Variants in KLRG1 observed in about 807,000 individuals in gnomAD.
The protein encoded by KLRG1 is killer cell lectin-like receptor subfamily G member 1.
Under a neutral mutation model 21.8 loss-of-function variants are expected in KLRG1, and 16 were observed. The observed-to-expected ratio is 0.73, with a 90% CI of 0.50 to 1.11. The LOEUF is 1.11. Among genes scored for constraint, KLRG1 ranks in the 50% most tolerant of loss-of-function variants. The pLI is 0.00. For synonymous variants in KLRG1, 69 were observed against 75.9 expected, an observed-to-expected ratio of 0.91 and a Z score of 0.47; for missense variants, 173 against 218.3, an observed-to-expected ratio of 0.79 and a Z score of 1.31.
chr12:9,098,750 A>G, the KLRG1 span: 2 of 1,612,660 alleles, frequency 1.2e-6, no homozygotes, highest in East Asian at 2.2e-5. Context: ...CTGAAGCTCA[A>G]ATCCACCTGT....
chr12:9,024,766 G>A, the KLRG1 span, among the ~76,000 whole-genome samples: 1 of 152,300 alleles, frequency 6.6e-6, no homozygotes, highest in Admixed American at 6.5e-5. Flanking sequence ...GAAGGATAAT[G>A]AGGGGTTTTT....
chr12:9,060,682 A>T, the KLRG1 span, among the ~76,000 whole-genome samples: 1 of 152,176 alleles, frequency 6.6e-6, no homozygotes, highest in African/African-American at 2.4e-5. Context: ...GTCTGAGCAC[A>T]TCCCCAAAAA....
chr12:9,175,908 C>T, the KLRG1 span, among the ~76,000 whole-genome samples: 6 of 152,272 alleles, frequency 3.9e-5, no homozygotes, highest in South Asian at 8.3e-4. Context: ...GGTGATTCCT[C>T]AAAGACCCAG....
chr12:8,971,138 C>G lies in KLRG1; in HGVS notation c.-156+20902C>G, dbSNP rs779985252. 2.2e-4 allele frequency: 33 copies of G among 152,018 alleles called. 1 individual carries two copies. Among genetic ancestry groups the G allele is most frequent in the Admixed American group, 3.3e-4 (5 of 15,252 alleles). The allele number at this position is 152,018 out of a possible 1,614,324, so 9.4% of individuals were successfully genotyped here. Reference sequence around the variant, plus strand: ...AATTGGGAGAGTGTACTTACATTTTCTACTTTTTGAAGGAGCATTGTTATT... The same window carrying G: ...AATTGGGAGAGTGTACTTACATTTTGTACTTTTTGAAGGAGCATTGTTATT... On this transcript the variant is annotated intron_variant, in intron 1 of 4. Coordinates refer to the KLRG1 transcript ENST00000539240.
chr12:9,164,848 G>T, the KLRG1 span, among the ~76,000 whole-genome samples: 1 of 152,198 alleles, frequency 6.6e-6, no homozygotes, highest in Admixed American at 6.5e-5. Flanking sequence ...TTGTGTGTCA[G>T]CTTCAAGAAT....
chr12:9,165,480 A>C, the KLRG1 span: 1 of 1,206,344 alleles, frequency 8.3e-7, no homozygotes, highest in African/African-American at 1.5e-5. Flanking sequence ...TTAAGGGTAT[A>C]TGCGAGTGTG....
chr12:8,952,698 C>A (rs952112651), intron 1 of KLRG1, among the ~76,000 whole-genome samples: 2 of 152,180 alleles, frequency 1.3e-5, no homozygotes, highest in African/African-American at 4.8e-5. Flanking sequence ...ACTTCCATTA[C>A]CATTAAATAT....
chr12:8,966,416 A>C (rs2137237217), intron 1 of KLRG1, among the ~76,000 whole-genome samples: 1 of 152,220 alleles, frequency 6.6e-6, no homozygotes, highest in African/African-American at 2.4e-5. Flanking sequence ...ACAGAATGGG[A>C]GAAAATTTTC....
the KLRG1 span, chr12:9,160,629 A>T: frequency 1.0e-5 from 8 of 800,194 alleles, no homozygotes; most frequent in Non-Finnish European, 1.6e-5. Flanking sequence ...GACTTCCAGA[A>T]TCCTAATAAG....
the KLRG1 span, chr12:9,164,087 C>A: frequency 1.3e-6 from 2 of 1,566,156 alleles, no homozygotes; most frequent in South Asian, 2.3e-5. Context: ...CTCAGACAGC[C>A]ACCGTCCTTG....
the KLRG1 span, chr12:9,076,634 A>G: frequency 1.2e-6 from 1 of 847,194 alleles, no homozygotes; most frequent in South Asian, 1.9e-5. Flanking sequence ...GACAAAATAT[A>G]TATGATATAT....
At chr12:9,197,085 A>G in the KLRG1 span, 3 of 1,613,518 alleles carry the variant, frequency 1.9e-6, no homozygotes, top group African/African-American at 4.0e-5. Flanking sequence ...ACACAGGCTC[A>G]CAGTTGCAAG....
At chr12:9,026,086 T>G in the KLRG1 span, among the ~76,000 whole-genome samples, 1 of 152,154 alleles carries the variant, frequency 6.6e-6, no homozygotes, top group Non-Finnish European at 1.5e-5. Flanking sequence ...GCAGCCTACA[T>G]GGGATTTGTC....
the KLRG1 span, among the ~76,000 whole-genome samples, chr12:9,075,435 A>G: frequency 0.38 from 57,083 of 151,622 alleles, 11,410 homozygotes; most frequent in African/African-American, 0.49. Context: ...ATTTTTTTTA[A>G]TAGCAAAACA....
intron 1 of KLRG1, among the ~76,000 whole-genome samples, chr12:8,975,895 T>C (rs186638845): frequency 4.8e-4 from 73 of 152,222 alleles, no homozygotes; most frequent in East Asian, 2.1e-3. Context: ...TGTTTGTTGA[T>C]TTTTATCTTT....
chr12:9,138,305 G>A, the KLRG1 span, among the ~76,000 whole-genome samples: 1 of 151,772 alleles, frequency 6.6e-6, no homozygotes, highest in Non-Finnish European at 1.5e-5. Flanking sequence ...TTCTGTGAAT[G>A]TGGTACAAAT....
the KLRG1 span, chr12:9,099,475 G>A: frequency 2.5e-6 from 4 of 1,610,002 alleles, no homozygotes; most frequent in Non-Finnish European, 3.4e-6. Flanking sequence ...CCGAGCGACA[G>A]GAGCAATGTC....
the KLRG1 span, chr12:9,095,743 T>TAA: frequency 1.6e-5 from 2 of 124,660 alleles, no homozygotes; most frequent in Non-Finnish European, 2.0e-5. Flanking sequence ...TATTTGTGAC[T>TAA]TTTTTTTTTT....
intron 1 of KLRG1, among the ~76,000 whole-genome samples, chr12:8,983,807 T>C (rs1429368400): frequency 6.6e-6 from 1 of 152,214 alleles, no homozygotes; most frequent in Non-Finnish European, 1.5e-5. Context: ...ATGTGTTATT[T>C]ATTTTCCTCT....
Sources: allele counts gnomAD v4.1 joint callset (sites outside exome capture counted in the v4.1 genomes callset), GRCh38; gene constraint gnomAD v4.1.1; transcripts MANE v1.5; gene names NCBI Gene and HGNC (gene_info 2026-07-23, HGNC 2026-07-21).